Variants in CADM1 observed in about 807,000 individuals in gnomAD.
CADM1 encodes the protein TSLC-1.
CADM1 carries 15 observed loss-of-function variants against 53.1 expected under a neutral mutation model. The ratio of observed to expected loss-of-function variants is 0.28; its 90% CI spans 0.19 to 0.44. The LOEUF is 0.44. Ranked by LOEUF, CADM1 falls within the 20% of genes least tolerant of loss-of-function variation. The pLI, the probability that CADM1 is intolerant of heterozygous loss-of-function variation, is 1.00. For missense variants in CADM1, 434 were observed against 611.3 expected, an observed-to-expected ratio of 0.71 and a Z score of 3.06; for synonymous variants, 281 against 243.0, an observed-to-expected ratio of 1.16 and a Z score of -1.45.
chr11:115,286,053 A>G (rs560213988), intron 1 of CADM1, among the ~76,000 whole-genome samples: 3 of 152,368 alleles, frequency 2.0e-5, no homozygotes, highest in South Asian at 2.1e-4. Flanking sequence ...TCGTAAAAGC[A>G]TAAGTAACAA....
intron 1 of CADM1, among the ~76,000 whole-genome samples, chr11:115,490,752 A>C (rs1474810186): frequency 6.6e-6 from 1 of 152,004 alleles, no homozygotes; most frequent in Non-Finnish European, 1.5e-5. Context: ...AAATGCAGTT[A>C]AGTGTTTAAA....
At chr11:115,248,385 A>G (rs761390251) in intron 1 of CADM1, among the ~76,000 whole-genome samples, 5 of 152,238 alleles carry the variant, frequency 3.3e-5, no homozygotes, top group African/African-American at 4.8e-5. Flanking sequence ...CATCACTAAA[A>G]GTGCCAAACA....
At chr11:115,348,830 T>C (rs2135050966) in intron 1 of CADM1, among the ~76,000 whole-genome samples, 1 of 152,276 alleles carries the variant, frequency 6.6e-6, no homozygotes, top group Middle Eastern at 3.4e-3. Flanking sequence ...ATTAAAAATA[T>C]ATGACAGGAG....
chr11:115,338,168 T>C (rs1238694492), intron 1 of CADM1, among the ~76,000 whole-genome samples: 1 of 152,112 alleles, frequency 6.6e-6, no homozygotes, highest in East Asian at 1.9e-4. Context: ...AGCTAACACA[T>C]GTACGGTGTT....
chr11:115,302,573 T>G (rs547150147), intron 1 of CADM1, among the ~76,000 whole-genome samples: 42 of 152,262 alleles, frequency 2.8e-4, no homozygotes, highest in Non-Finnish European at 5.6e-4. Context: ...GTAAAGTTTG[T>G]ACTTTGTTGT....
chr11:115,174,340 C>CA lies in CADM1; in HGVS notation c.*2133dup. On this transcript the variant is annotated 3_prime_UTR_variant, in exon 12 of 12. Transcript: ENST00000331581. ...CAACTGAAAAAAAACCTTTCAACAA[C>CA]ATGCTAAATGATTCTCACCCTTTGA... 2 of 984,734 alleles carry CA rather than the reference C, an allele frequency of 2.0e-6. No individual in the cohort carries two copies. The highest frequency in any genetic ancestry group is 2.4e-6 in the Non-Finnish European group (2 of 829,522). The allele number at this position is 984,734 out of a possible 1,614,324, so 61.0% of individuals were successfully genotyped here. A position where few individuals can be genotyped will look rare whatever the true frequency, so the allele number is the denominator to read the frequency against.
chr11:115,349,574 A>C (rs1481101083), intron 1 of CADM1, among the ~76,000 whole-genome samples: 1 of 152,212 alleles, frequency 6.6e-6, no homozygotes, highest in Non-Finnish European at 1.5e-5. Flanking sequence ...TTCAAATCTG[A>C]AAGTCACCAA....
chr11:115,291,325 G>GA (rs1445325275), intron 1 of CADM1, among the ~76,000 whole-genome samples: 11 of 152,108 alleles, frequency 7.2e-5, no homozygotes, highest in African/African-American at 1.9e-4. Flanking sequence ...AGGCTTTGTA[G>GA]AAAAAAACCC....
chr11:115,265,217 T>C lies in CADM1; in HGVS notation c.125-24797A>G, dbSNP rs187369732. 9.7e-4 allele frequency among the ~76,000 whole-genome samples: 148 copies of C among 152,290 alleles called. 2 individuals carry two copies. The highest frequency in any genetic ancestry group is 3.5e-3 in the African/African-American group (146 of 41,560). On this transcript the variant is annotated intron_variant, in intron 1 of 11. Transcript: ENST00000331581. ...AAGGAATCATAACATCTCCCTATTT[T>C]TAGGAATTCAATACCAATACTGAAA...
intron 1 of CADM1, among the ~76,000 whole-genome samples, chr11:115,267,684 T>C (rs1373179854): frequency 2.0e-5 from 2 of 101,434 alleles, no homozygotes; most frequent in Non-Finnish European, 3.4e-5. Context: ...CTTTCTTTTT[T>C]TTTTTTTTTT....
chr11:115,236,799 G>A (rs1942027020), intron 3 of CADM1, among the ~76,000 whole-genome samples: 1 of 152,022 alleles, frequency 6.6e-6, no homozygotes, highest in Non-Finnish European at 1.5e-5. Flanking sequence ...AACCTAGACT[G>A]GAAGACACAA....
intron 1 of CADM1, among the ~76,000 whole-genome samples, chr11:115,318,368 T>C (rs1944730355): frequency 6.6e-6 from 1 of 152,142 alleles, no homozygotes; most frequent in Admixed American, 6.5e-5. Flanking sequence ...TGTTCAAAAT[T>C]ATAGGCTGAA....
At chr11:115,430,185 T>C (rs900021024) in intron 1 of CADM1, among the ~76,000 whole-genome samples, 1 of 152,222 alleles carries the variant, frequency 6.6e-6, no homozygotes, top group Admixed American at 6.5e-5. Flanking sequence ...TTTAAATGCA[T>C]GACTTATTCA....
At chr11:115,445,900 CAGAAGAAT>C in intron 1 of CADM1, 1 of 316,630 alleles carries the variant, frequency 3.2e-6, no homozygotes, top group Non-Finnish European at 6.4e-6. Context: ...TGCTTTAAGA[CAGAAGAAT>C]ATGTGCAATC....
chr11:115,205,977 G>A (rs1173730579), intron 8 of CADM1, among the ~76,000 whole-genome samples: 1 of 152,148 alleles, frequency 6.6e-6, no homozygotes, highest in Non-Finnish European at 1.5e-5. Context: ...TGAAAACATT[G>A]TAAGCTGGAA....
At chr11:115,441,721 C>T (rs527942965) in intron 1 of CADM1, among the ~76,000 whole-genome samples, 4 of 152,182 alleles carry the variant, frequency 2.6e-5, no homozygotes, top group South Asian at 2.1e-4. Flanking sequence ...TCTGGGACAC[C>T]TCTAGCCCCT....
intron 1 of CADM1, among the ~76,000 whole-genome samples, chr11:115,422,158 A>T (rs890023277): frequency 6.6e-6 from 1 of 152,196 alleles, no homozygotes; most frequent in African/African-American, 2.4e-5. Context: ...AAGATAAACG[A>T]GTTTAACTGG....
At chr11:115,305,461 T>C (rs2135146505) in intron 1 of CADM1, among the ~76,000 whole-genome samples, 1 of 152,132 alleles carries the variant, frequency 6.6e-6, no homozygotes, top group East Asian at 1.9e-4. Context: ...CAGTTTTTGC[T>C]TTTTTGTCCT....
At chr11:115,345,454 G>C (rs547691936) in intron 1 of CADM1, among the ~76,000 whole-genome samples, 1 of 152,228 alleles carries the variant, frequency 6.6e-6, no homozygotes, top group East Asian at 1.9e-4. Context: ...CTGAAGTCCT[G>C]TAAGTTTATC....
Sources: allele counts gnomAD v4.1 joint callset (sites outside exome capture counted in the v4.1 genomes callset), GRCh38; gene constraint gnomAD v4.1.1; transcripts MANE v1.5; gene names NCBI Gene and HGNC (gene_info 2026-07-23, HGNC 2026-07-21).